Variants in SUCO observed in about 807,000 individuals in gnomAD.
The protein encoded by SUCO is SUN domain-containing ossification factor.
In SUCO, 57 loss-of-function variants were observed where a neutral mutation model predicts 148.1. That is an observed-to-expected ratio of 0.38 (90% confidence interval 0.31 to 0.48). The LOEUF (loss-of-function observed/expected upper bound fraction) is 0.48. SUCO is among the 20% of genes least tolerant of loss of function. The probability of loss-of-function intolerance (pLI) is 0.96; values close to 1 mark genes in which losing one functional copy is unlikely to be tolerated. For missense variants in SUCO, 1,331 were observed against 1,468.2 expected, an observed-to-expected ratio of 0.91 and a Z score of 1.53; for synonymous variants, 470 against 502.7, an observed-to-expected ratio of 0.93 and a Z score of 0.87.
chr1:172,546,402 G>T (rs1652858410), intron 1 of SUCO, among the ~76,000 whole-genome samples: 1 of 152,114 alleles, frequency 6.6e-6, no homozygotes, highest in Non-Finnish European at 1.5e-5. Flanking sequence ...TGGTGATACT[G>T]GTCAAAGCTA....
intron 10 of SUCO, 63 bp from the exon 11 acceptor site, chr1:172,575,455 A>T: frequency 8.3e-7 from 1 of 1,199,688 alleles, no homozygotes; most frequent in Non-Finnish European, 1.2e-6. Context: ...TGAAAATATG[A>T]TAGAACCTTT....
At chr1:172,552,337 A>G (rs939009399) in intron 2 of SUCO, among the ~76,000 whole-genome samples, 5 of 152,096 alleles carry the variant, frequency 3.3e-5, no homozygotes, top group Admixed American at 6.6e-5. Context: ...TCATATAAAT[A>G]TATTACAAAT....
chr1:172,589,596 C>T lies in SUCO; in HGVS notation c.2495C>T (p.Thr832Ile). The T allele has an allele frequency of 1.2e-6, 2 of 1,613,822 alleles. No homozygotes were observed. The highest frequency in any genetic ancestry group is 1.7e-6 in the Non-Finnish European group (2 of 1,179,888). Residue 832 changes from threonine (T) to isoleucine (I), a missense_variant, in exon 18 of 24, where the codon ACT becomes ATT. Thr to Ile is a moderately conservative substitution (Grantham distance 89). This residue lies in a region of SUCO where 992 missense variants were observed against 1,093.5 expected (regional missense o/e 0.91). Transcript: ENST00000263688. ...ATAGTGCCACCAATAAATACAGCCA[C>T]TGTACCCGACAATGAAGATGGGGAA... ...ETIVPPINTA[T>I]VPDNEDGEAK...
intron 5 of SUCO, 102 bp downstream of exon 5, chr1:172,557,519 G>C (rs1167228669): frequency 5.3e-6 from 8 of 1,513,648 alleles, no homozygotes; most frequent in South Asian, 1.2e-5. Context: ...TTGATTGAGA[G>C]AAAGCTGATC....
chr1:172,595,167 C>T (rs889887130), intron 19 of SUCO, among the ~76,000 whole-genome samples: 6 of 152,122 alleles, frequency 3.9e-5, no homozygotes, highest in African/African-American at 1.4e-4. Flanking sequence ...TATTTTGAGC[C>T]TGTGTGTGTC....
At chr1:172,599,367 C>A in intron 19 of SUCO, 5 of 608,414 alleles carry the variant, frequency 8.2e-6, no homozygotes, top group Non-Finnish European at 1.0e-5. Flanking sequence ...TTAAAGTCTC[C>A]CTAATACAGG....
intron 22 of SUCO, among the ~76,000 whole-genome samples, chr1:172,606,335 G>T (rs1657866864): frequency 6.6e-6 from 1 of 150,954 alleles, no homozygotes; most frequent in African/African-American, 2.4e-5. Flanking sequence ...TGGGGAGGAA[G>T]TAAATATTCC....
intron 1 of SUCO, among the ~76,000 whole-genome samples, chr1:172,533,853 G>A (rs1651810074): frequency 6.6e-6 from 1 of 152,204 alleles, no homozygotes; most frequent in Non-Finnish European, 1.5e-5. Context: ...TTTGCCGCCA[G>A]TCTTTGCGTT....
intron 3 of SUCO, among the ~76,000 whole-genome samples, chr1:172,553,656 C>T (rs1021172868): frequency 3.3e-5 from 5 of 152,092 alleles, no homozygotes; most frequent in Non-Finnish European, 7.4e-5. Flanking sequence ...CTTGTCTCTT[C>T]AGATTTTCAG....
At chr1:172,534,242 G>T (rs1280400856) in intron 1 of SUCO, among the ~76,000 whole-genome samples, 2 of 152,086 alleles carry the variant, frequency 1.3e-5, no homozygotes, top group Admixed American at 6.6e-5. Context: ...GGCACTTCTG[G>T]AGTTTTTTGA....
Position 172,602,671 on chromosome 1 carries a change from A to G in SUCO, c.3174-25A>G, listed in dbSNP as rs773829983. 2.9e-5 allele frequency: 46 copies of G among 1,607,360 alleles called. 1 individual carries two copies. The highest frequency in any genetic ancestry group is 3.5e-5 in the Non-Finnish European group (41 of 1,178,292). ...ATATGTGCTTTACTCGTTGTAACCA[A>G]TATGTATTTTTCCTAATGTGTTAGG... On this transcript the variant is annotated intron_variant, in intron 21 of 23. Coordinates refer to ENST00000263688, the MANE Select transcript of SUCO (RefSeq NM_014283.5).
At chr1:172,586,931 T>G (rs1322753850) in intron 17 of SUCO, among the ~76,000 whole-genome samples, 2 of 152,152 alleles carry the variant, frequency 1.3e-5, no homozygotes, top group Admixed American at 6.5e-5. Flanking sequence ...ACCTAAGAAA[T>G]CTATTGGGGA....
At chr1:172,539,806 A>T (rs571144338) in intron 1 of SUCO, among the ~76,000 whole-genome samples, 18 of 152,274 alleles carry the variant, frequency 1.2e-4, no homozygotes, top group African/African-American at 4.1e-4. Context: ...TAAAAATGGG[A>T]ATTTATAAAT....
At chr1:172,557,136 T>A in intron 4 of SUCO, 144 bp from the exon 5 acceptor site, 5 of 1,400,642 alleles carry the variant, frequency 3.6e-6, no homozygotes, top group Non-Finnish European at 3.7e-6. Flanking sequence ...CAATAACAGA[T>A]CAAGTCAGCA....
At chr1:172,533,079 T>C, upstream of SUCO, 1 of 1,430,536 alleles carries the variant, frequency 7.0e-7, no homozygotes, top group African/African-American at 1.4e-5. Context: ...GATTGGCTGT[T>C]GAGAGGCGAG....
rs377363722 is a variant in SUCO, at chr1:172,609,695, T to G, written c.3322-121T>G. 2.6e-5 allele frequency: 38 copies of G among 1,469,714 alleles called. No homozygotes were observed. In the Middle Eastern group the frequency reaches 5.7e-4, roughly 22 times the overall value. The allele number at this position is 1,469,714 out of a possible 1,614,324, so 91.0% of individuals were successfully genotyped here. On this transcript the variant is annotated intron_variant, in intron 23 of 23. Transcript: ENST00000263688. ...AACAATGTATGTGTTCTGTGCTGTTTATAATACTGTTTTACTTTTCACCAG... is the reference window on the plus strand; with the variant it reads ...AACAATGTATGTGTTCTGTGCTGTTGATAATACTGTTTTACTTTTCACCAG...
chr1:172,568,437 C>T, intron 6 of SUCO: 3 of 980,646 alleles, frequency 3.1e-6, no homozygotes, highest in Non-Finnish European at 1.2e-6. Context: ...TATGGTTAAC[C>T]TAACCAAATG....
Position 172,573,890 on chromosome 1 carries a change from GGTTT to G in SUCO, c.1053_1056del (p.Phe351LeufsTer10). 1.3e-6 allele frequency: 2 copies of G among 1,531,290 alleles called. No individual in the cohort carries two copies. The highest frequency in any genetic ancestry group is 1.8e-6 in the Non-Finnish European group (2 of 1,112,026). The allele number at this position is 1,531,290 out of a possible 1,614,324, so 94.9% of individuals were successfully genotyped here. ...GTAATTGTCTTTTGTTCTTTTTGAA[GGTTT>G]GTTATTGAACTTTGTGAACCAATTC... On this transcript the variant is annotated frameshift_variant and splice_region_variant, in exon 10 of 24. Coordinates refer to ENST00000263688, the MANE Select transcript of SUCO (RefSeq NM_014283.5). LOFTEE classifies it high-confidence loss of function.
At chr1:172,569,713 AT>A (rs1654806194) in intron 7 of SUCO, among the ~76,000 whole-genome samples, 1 of 152,190 alleles carries the variant, frequency 6.6e-6, no homozygotes, top group African/African-American at 2.4e-5. Flanking sequence ...AAACAATAAA[AT>A]AATGTAAGAA....
Sources: allele counts gnomAD v4.1 joint callset (sites outside exome capture counted in the v4.1 genomes callset), GRCh38; gene constraint gnomAD v4.1.1; regional missense constraint gnomAD v4.1.1; transcripts MANE v1.5; gene names NCBI Gene and HGNC (gene_info 2026-07-23, HGNC 2026-07-21).